Variants in BCAP29 observed in about 807,000 individuals in gnomAD.
BCAP29 encodes the protein B cell receptor associated protein 29.
BCAP29 carries 34 observed loss-of-function variants against 31.8 expected under a neutral mutation model. The observed-to-expected ratio is 1.07, with a 90% CI of 0.81 to 1.42. The LOEUF (loss-of-function observed/expected upper bound fraction) is 1.42, where lower values mean the gene tolerates loss of function less well. Among genes scored for constraint, BCAP29 ranks in the 40% most tolerant of loss-of-function variants. The pLI, the probability that BCAP29 is intolerant of heterozygous loss-of-function variation, is 0.00. For missense variants in BCAP29, 314 were observed against 269.2 expected (o/e 1.17, Z -1.16); for synonymous variants, 104 against 91.3 (o/e 1.14, Z -0.79).
chr7:107,592,507 C>T (rs186199857), intron 3 of BCAP29, among the ~76,000 whole-genome samples: 1 of 152,294 alleles, frequency 6.6e-6, no homozygotes, highest in East Asian at 1.9e-4. Flanking sequence ...AGTACAGCTG[C>T]TTTGGAATAC....
intron 6 of BCAP29, among the ~76,000 whole-genome samples, chr7:107,602,348 T>C (rs1401387825): frequency 1.3e-5 from 2 of 152,220 alleles, no homozygotes; most frequent in Non-Finnish European, 2.9e-5. Context: ...CATGTTCTGT[T>C]GACCTAAACC....
At chr7:107,591,040 C>G (rs943958429) in intron 3 of BCAP29, among the ~76,000 whole-genome samples, 6 of 151,868 alleles carry the variant, frequency 4.0e-5, no homozygotes, top group Non-Finnish European at 8.8e-5. Context: ...ACCAAGAAGC[C>G]TAAAAACCTT....
chr7:107,607,274 G>A (rs959560949), intron 6 of BCAP29, among the ~76,000 whole-genome samples: 1 of 152,210 alleles, frequency 6.6e-6, no homozygotes, highest in African/African-American at 2.4e-5. Context: ...CCAAGATTGT[G>A]CCACTGCACT....
At chr7:107,604,922 T>C (rs1436980495) in intron 6 of BCAP29, among the ~76,000 whole-genome samples, 2 of 152,072 alleles carry the variant, frequency 1.3e-5, no homozygotes, top group African/African-American at 4.8e-5. Context: ...ATAAAACTCA[T>C]GACCAATCCT....
At position 107,600,424 on chromosome 7, in the gene BCAP29, G is replaced by C. The variant is rs1416626007; in HGVS notation, c.508G>C (p.Glu170Gln). 1 of 1,609,164 alleles carries C rather than the reference G, an allele frequency of 6.2e-7. No homozygotes were observed. Among genetic ancestry groups the C allele is most frequent in the Admixed American group, 1.7e-5 (1 of 59,824 alleles). The change falls in exon 6 of 8, where the codon GAA becomes CAA. Residue 170 changes from glutamate to glutamine, a missense_variant. By Grantham distance (29) the Glu-to-Gln change is conservative (BLOSUM62 2). Transcript: ENST00000005259. Reference protein sequence around the residue: ...RILKSHGKDEECVLEAENKKL... With the variant: ...RILKSHGKDEQCVLEAENKKL... ...TTTGAAAAGCCATGGTAAAGATGAA[G>C]AATGTGTTTTGGAAGCAGAAAATAA...
chr7:107,611,911 A>G (rs1203118179), intron 6 of BCAP29, among the ~76,000 whole-genome samples: 2 of 152,212 alleles, frequency 1.3e-5, no homozygotes, highest in Non-Finnish European at 2.9e-5. Flanking sequence ...TAAACTAGCC[A>G]CATTTAAAGT....
intron 3 of BCAP29, among the ~76,000 whole-genome samples, chr7:107,588,289 G>A (rs1808073717): frequency 6.6e-6 from 1 of 151,958 alleles, no homozygotes; most frequent in African/African-American, 2.4e-5. Context: ...ATTTATTTGG[G>A]TTTTATTTTG....
chr7:107,617,946 G>A (rs1295841283), intron 7 of BCAP29, among the ~76,000 whole-genome samples: 1 of 152,282 alleles, frequency 6.6e-6, no homozygotes, highest in South Asian at 2.1e-4. Flanking sequence ...AGTCAGTTCT[G>A]TTGGCAAATA....
chr7:107,622,243 T>C (rs1374219301), downstream of BCAP29: 1 of 175,726 alleles, frequency 5.7e-6, no homozygotes, highest in African/African-American at 2.4e-5. Context: ...AAAACACTAA[T>C]CATGTCATTC....
At chr7:107,614,744 GA>G (rs1813809856) in intron 7 of BCAP29, among the ~76,000 whole-genome samples, 1 of 152,214 alleles carries the variant, frequency 6.6e-6, no homozygotes. Flanking sequence ...AGAGAAGGGT[GA>G]ATACCCTGTA....
chr7:107,608,779 G>A (rs946857380), intron 6 of BCAP29, among the ~76,000 whole-genome samples: 1 of 152,166 alleles, frequency 6.6e-6, no homozygotes, highest in African/African-American at 2.4e-5. Context: ...TTACTATCAG[G>A]TGACTAAAGT....
intron 6 of BCAP29, among the ~76,000 whole-genome samples, chr7:107,609,254 G>T (rs10953542): frequency 0.12 from 17,697 of 152,104 alleles, 2,645 homozygotes; most frequent in African/African-American, 0.35. Flanking sequence ...AACCAGTGGA[G>T]AGAGTTGAGC....
Position 107,593,966 on chromosome 7 carries a change from G to A in BCAP29, c.205G>A (p.Glu69Lys), listed in dbSNP as rs752920305. ...TTGTTCTGTAATAGATGCTGTGAGA[G>A]AAGTAAGGAAATATTCCTCAGTTCA... Reference protein sequence around the residue: ...LIVLFLDAVREVRKYSSVHTI... With the variant: ...LIVLFLDAVRKVRKYSSVHTI... The change falls in exon 4 of 8, where the codon GAA becomes AAA. Residue 69 changes from glutamate to lysine, a missense_variant. Coordinates refer to ENST00000005259, the MANE Select transcript of BCAP29 (RefSeq NM_018844.4). 3 of 1,609,688 alleles carry A rather than the reference G, an allele frequency of 1.9e-6. No homozygotes were observed. The highest frequency in any genetic ancestry group is 2.5e-6 in the Non-Finnish European group (3 of 1,178,760).
chr7:107,591,041 T>G (rs1808646787), intron 3 of BCAP29, among the ~76,000 whole-genome samples: 1 of 152,112 alleles, frequency 6.6e-6, no homozygotes, highest in African/African-American at 2.4e-5. Flanking sequence ...CCAAGAAGCC[T>G]AAAAACCTTA....
intron 5 of BCAP29, among the ~76,000 whole-genome samples, chr7:107,599,309 TTATA>T (rs377116339): frequency 0.04 from 2,723 of 68,606 alleles, 403 homozygotes; most frequent in African/African-American, 0.15. Flanking sequence ...TATATAAATT[TTATA>T]TATATATATA....
intron 7 of BCAP29, among the ~76,000 whole-genome samples, chr7:107,617,886 G>A (rs759238113): frequency 3.9e-5 from 6 of 152,224 alleles, no homozygotes; most frequent in East Asian, 3.9e-4. Context: ...AGTTTTAAAT[G>A]ATGTAATATA....
intron 5 of BCAP29, among the ~76,000 whole-genome samples, chr7:107,599,086 T>G (rs1399799956): frequency 7.5e-6 from 1 of 133,676 alleles, no homozygotes; most frequent in Non-Finnish European, 1.6e-5. Context: ...TATTAAAAAT[T>G]TATATGTATA....
intron 6 of BCAP29, among the ~76,000 whole-genome samples, chr7:107,611,753 A>G (rs1246974844): frequency 1.3e-5 from 2 of 152,246 alleles, no homozygotes. Flanking sequence ...TGTCAAAATC[A>G]GTCTTTAATA....
At chr7:107,613,234 G>A in intron 6 of BCAP29, 98 bp from the exon 7 acceptor site, 2 of 763,680 alleles carry the variant, frequency 2.6e-6, no homozygotes, top group South Asian at 4.0e-5. Flanking sequence ...GTGGATTTGA[G>A]TAAAGACTAT....
Sources: allele counts gnomAD v4.1 joint callset (sites outside exome capture counted in the v4.1 genomes callset), GRCh38; gene constraint gnomAD v4.1.1; transcripts MANE v1.5; gene names NCBI Gene and HGNC (gene_info 2026-07-23, HGNC 2026-07-21).